SLC6A12: variants seen among roughly 807,000 people sequenced by gnomAD.
SLC6A12 encodes sodium- and chloride-dependent betaine transporter.
In SLC6A12, 50 loss-of-function variants were observed where a neutral mutation model predicts 73.3. The ratio of observed to expected loss-of-function variants is 0.68; its 90% CI spans 0.54 to 0.86. The LOEUF is 0.86. Among genes scored for constraint, SLC6A12 ranks in the 40% least tolerant of loss-of-function variants. SLC6A12 has a pLI of 0.00. For missense variants in SLC6A12, 648 were observed against 772.8 expected (o/e 0.84, Z 1.92); for synonymous variants, 304 against 309.2 (o/e 0.98, Z 0.18).
chr12:190,568 T>C lies in SLC6A12; in HGVS notation c.*500A>G, dbSNP rs1008235966. The C allele has an allele frequency of 6.6e-6, 1 of 152,296 alleles. No homozygotes were observed. The highest frequency in any genetic ancestry group is 1.5e-5 in the Non-Finnish European group (1 of 68,086). 9.4% of individuals were successfully genotyped at this position (152,296 alleles called of 1,614,324 possible). A position where few individuals can be genotyped will look rare whatever the true frequency, so the allele number is the denominator to read the frequency against. On this transcript the variant is annotated 3_prime_UTR_variant, in exon 16 of 16. Coordinates refer to ENST00000684302, the MANE Select transcript of SLC6A12 (RefSeq NM_001122848.3). ...GCATGCAAAGGCTTGCCTCTGTCGT[T>C]AAGCCTAAGGAAGGATCCCCTAACG... is the stretch of plus-strand genomic sequence containing the variant.
intron 11 of SLC6A12, 39 bp from the exon 12 acceptor site, chr12:196,300 G>T: frequency 6.3e-7 from 1 of 1,589,348 alleles, no homozygotes; most frequent in Non-Finnish European, 8.6e-7. Context: ...AGGGTGTGGG[G>T]CGGGCTGTTG....
chr12:192,971 G>A (rs1939681135), intron 14 of SLC6A12: 1 of 510,270 alleles, frequency 2.0e-6, no homozygotes, highest in Non-Finnish European at 3.5e-6. Flanking sequence ...ACAAAGGAAG[G>A]GAAGGGCTCA....
At chr12:208,058 C>A (rs769817737) in intron 3 of SLC6A12, among the ~76,000 whole-genome samples, 1 of 152,206 alleles carries the variant, frequency 6.6e-6, no homozygotes, top group Non-Finnish European at 1.5e-5. Context: ...AGTGCTGTCT[C>A]CCTCCCAGAT....
At chr12:183,995 G>C in the SLC6A12 span, among the ~76,000 whole-genome samples, 2 of 151,942 alleles carry the variant, frequency 1.3e-5, no homozygotes, top group African/African-American at 4.8e-5. Flanking sequence ...AGACAAGCAC[G>C]GTATGAGAAA....
Position 195,337 on chromosome 12 carries a change from G to A in SLC6A12, c.1327-10C>T. ...AGATGTACATCCCGCCCTGTGGGGA[G>A]AGCGTGGAGCTGGGGCATGGCCAGT... On this transcript the variant is annotated splice_polypyrimidine_tract_variant and intron_variant, in intron 12 of 15. Coordinates refer to ENST00000684302, the MANE Select transcript of SLC6A12 (RefSeq NM_001122848.3). 2 of 1,568,152 alleles carry A rather than the reference G, an allele frequency of 1.3e-6. No individual in the cohort carries two copies. Among genetic ancestry groups the A allele is most frequent in the Non-Finnish European group, 1.8e-6 (2 of 1,138,014 alleles).
In SLC6A12 at chr12:195,404, T is replaced by C. The variant is rs1939815931; in HGVS notation, c.1327-77A>G. The C allele has an allele frequency of 3.2e-6, 3 of 948,798 alleles. No individual in the cohort carries two copies. The South Asian group carries it at 4.0e-5, about 13-fold the overall frequency. The allele number at this position is 948,798 out of a possible 1,614,324, so 58.8% of individuals were successfully genotyped here. A position where few individuals can be genotyped will look rare whatever the true frequency, so the allele number is the denominator to read the frequency against. On this transcript the variant is annotated intron_variant, in intron 12 of 15. Transcript: ENST00000684302. The stretch of plus-strand genomic sequence containing the variant: ...CTCCAGCCCTCAGTGAGATGGCAAA[T>C]GCCCACGTGGGGTGCACTCCTGCCC...
chr12:186,742 T>C (rs574298845), downstream of SLC6A12, among the ~76,000 whole-genome samples: 7 of 152,358 alleles, frequency 4.6e-5, no homozygotes, highest in Admixed American at 3.3e-4. Context: ...AACACATCTA[T>C]TGAGATGTAG....
chr12:207,657 T>C (rs1222294206), intron 3 of SLC6A12, among the ~76,000 whole-genome samples: 1 of 152,158 alleles, frequency 6.6e-6, no homozygotes, highest in South Asian at 2.1e-4. Flanking sequence ...TACAGTTCAG[T>C]CTAAAGCAAA....
rs371528913 is a variant in SLC6A12, at chr12:191,241, C to T, written c.1702-30G>A. On this transcript the variant is annotated intron_variant, in intron 15 of 15. Coordinates refer to ENST00000684302, the MANE Select transcript of SLC6A12 (RefSeq NM_001122848.3). ...GGAGAGAAGAGGCAGGGATTTGGAG[C>T]TGATGGTGAGGGAGGCGCAGAAGGT... 2.4e-6 allele frequency: 3 copies of T among 1,257,974 alleles called. No individual in the cohort carries two copies. In the African/African-American group the frequency reaches 4.6e-5, roughly 19 times the overall value. The allele number at this position is 1,257,974 out of a possible 1,614,324, so 77.9% of individuals were successfully genotyped here.
At chr12:194,817 G>A (rs1939785190) in intron 13 of SLC6A12, among the ~76,000 whole-genome samples, 1 of 152,216 alleles carries the variant, frequency 6.6e-6, no homozygotes, top group Non-Finnish European at 1.5e-5. Flanking sequence ...GTCCATGGAA[G>A]TACTCAGAGT....
chr12:209,816 GC>G lies in SLC6A12; in HGVS notation c.170del (p.Gly57AlafsTer73). ...LSVAGEIIGL[G>X]NVWRFPYLCY... The stretch of plus-strand genomic sequence containing the variant: ...AGAGATAGGGAAACCTCCAGACATT[GC>G]CCAGCCCAATGATCTCCCCGGCCAC... On this transcript the variant is annotated frameshift_variant, in exon 3 of 16. Transcript: ENST00000684302. LOFTEE classifies it high-confidence loss of function. The G allele has an allele frequency of 6.2e-7, 1 of 1,614,116 alleles. No homozygotes were observed. Among genetic ancestry groups the G allele is most frequent in the Non-Finnish European group, 8.5e-7 (1 of 1,180,004 alleles).
At chr12:206,664 A>G (rs553144437) in intron 3 of SLC6A12, among the ~76,000 whole-genome samples, 190 of 152,378 alleles carry the variant, frequency 1.2e-3, no homozygotes, top group Non-Finnish European at 1.3e-3. Context: ...ACTGAGTTCC[A>G]AAGTCCCTTT....
rs1229009599 is a variant in SLC6A12, at chr12:197,136, T to TCTAC, written c.1075+240_1075+241insGTAG. ...ATCCATCCATCCATCCATCCATCCATCCATCCATCCATCCATCCATCCATC... is the reference window on the plus strand; with the variant it reads ...ATCCATCCATCCATCCATCCATCCATCTACCCATCCATCCATCCATCCATCCATC... On this transcript the variant is annotated intron_variant, in intron 10 of 15. Transcript: ENST00000684302. 9.9e-3 allele frequency among the ~76,000 whole-genome samples: 1,081 copies of TCTAC among 109,686 alleles called. 9 individuals are homozygous for TCTAC. The highest frequency in any genetic ancestry group is 0.012 in the Non-Finnish European group (637 of 51,142). The allele number at this position is 109,686 out of a possible 152,430, so 72.0% of individuals were successfully genotyped here.
chr12:189,843 T>C (rs544304747), downstream of SLC6A12, among the ~76,000 whole-genome samples: 14 of 44,998 alleles, frequency 3.1e-4, no homozygotes, highest in Admixed American at 5.2e-4. Context: ...ACCCGCCCCC[T>C]GGGACACTCT....
At chr12:207,072 GGTT>G (rs1379469851) in intron 3 of SLC6A12, among the ~76,000 whole-genome samples, 2 of 152,254 alleles carry the variant, frequency 1.3e-5, no homozygotes, top group African/African-American at 4.8e-5. Flanking sequence ...CAGATGAAGA[GGTT>G]GTTTCTGGAG....
chr12:191,352 G>A (rs1369486005), intron 15 of SLC6A12, 141 bp from the exon 16 acceptor site: 5 of 643,642 alleles, frequency 7.8e-6, no homozygotes, highest in South Asian at 8.5e-5. Context: ...TGAATGAACC[G>A]TTTGAGGTGA....
chr12:205,823 A>G (rs1024488340), intron 3 of SLC6A12, among the ~76,000 whole-genome samples: 12 of 152,214 alleles, frequency 7.9e-5, no homozygotes, highest in Non-Finnish European at 7.3e-5. Context: ...AAACCTCTTC[A>G]TGTCAGTAAA....
downstream of SLC6A12, among the ~76,000 whole-genome samples, chr12:186,909 T>C (rs543168605): frequency 6.6e-6 from 1 of 152,300 alleles, no homozygotes; most frequent in African/African-American, 2.4e-5. Context: ...CCACCCCTTC[T>C]GAGGCACCAG....
intron 14 of SLC6A12, 196 bp downstream of exon 14, chr12:193,081 C>G: frequency 1.8e-6 from 1 of 562,466 alleles, no homozygotes; most frequent in Non-Finnish European, 3.2e-6. Context: ...GGAAGTAGAA[C>G]AAGATTCTAC....
Sources: gnomAD v4.1 joint callset for allele counts (sites outside exome capture counted in the v4.1 genomes callset) on GRCh38, gnomAD v4.1.1 for gene constraint, MANE v1.5 for transcripts, NCBI Gene and HGNC (gene_info 2026-07-23, HGNC 2026-07-21) for gene names.